HACE1: variants seen among roughly 807,000 people sequenced by gnomAD.
HACE1 encodes E3 ubiquitin-protein ligase HACE1.
A neutral mutation model predicts 118.4 loss-of-function variants in HACE1; 73 were observed. That is an observed-to-expected ratio of 0.62 (90% CI 0.51 to 0.75). The LOEUF is 0.75. HACE1 is among the 30% of genes least tolerant of loss of function. The pLI is 0.00. For missense variants in HACE1, 749 were observed against 1,102.2 expected (o/e 0.68, Z 4.54); for synonymous variants, 368 against 374.8 (o/e 0.98, Z 0.21).
intron 6 of HACE1, among the ~76,000 whole-genome samples, chr6:104,821,362 G>A (rs1378238060): frequency 6.6e-6 from 1 of 151,882 alleles, no homozygotes; most frequent in African/African-American, 2.4e-5. Flanking sequence ...AGAAATTATA[G>A]AAAATAAGTC....
intron 6 of HACE1, among the ~76,000 whole-genome samples, chr6:104,827,351 G>C (rs1202540888): frequency 6.6e-6 from 1 of 152,098 alleles, no homozygotes. Context: ...CTGATGACAT[G>C]AGTTATGGCA....
At chr6:104,737,552 A>G (rs910583886) in intron 22 of HACE1, among the ~76,000 whole-genome samples, 8 of 152,168 alleles carry the variant, frequency 5.3e-5, no homozygotes, top group African/African-American at 1.7e-4. Flanking sequence ...TTTCTGAGTC[A>G]AAGAAAGGGG....
chr6:104,739,675 G>C (rs1776397153), intron 22 of HACE1, among the ~76,000 whole-genome samples: 1 of 151,630 alleles, frequency 6.6e-6, no homozygotes, highest in African/African-American at 2.4e-5. Context: ...AGCAAGTCCT[G>C]AGTGACCTAC....
At chr6:104,752,256 G>C (rs1274455606) in intron 19 of HACE1, among the ~76,000 whole-genome samples, 1 of 152,106 alleles carries the variant, frequency 6.6e-6, no homozygotes, top group East Asian at 1.9e-4. Flanking sequence ...ACTTATTATA[G>C]AGAGGGAGAC....
intron 1 of HACE1, among the ~76,000 whole-genome samples, chr6:104,857,056 T>C (rs1776789596): frequency 6.6e-6 from 1 of 151,716 alleles, no homozygotes; most frequent in South Asian, 2.1e-4. Context: ...AAAAAAAATC[T>C]GATTATTTTC....
chr6:104,826,029 C>T (rs905471950), intron 6 of HACE1, among the ~76,000 whole-genome samples: 40 of 152,136 alleles, frequency 2.6e-4, no homozygotes, highest in Admixed American at 2.5e-3. Context: ...TGCCTCCTGT[C>T]GGATCAGCAG....
chr6:104,730,261 A>T (rs772938238), intron 23 of HACE1, 42 bp downstream of exon 23: 1 of 971,372 alleles, frequency 1.0e-6, no homozygotes, highest in Non-Finnish European at 1.7e-6. Flanking sequence ...AAAATTAATC[A>T]AAACAATTTG....
chr6:104,775,068 G>A (rs192495580), intron 17 of HACE1, among the ~76,000 whole-genome samples: 93 of 152,276 alleles, frequency 6.1e-4, no homozygotes, highest in African/African-American at 2.1e-3. Flanking sequence ...TTGGCCAGAC[G>A]TAGTAGCTTA....
chr6:104,784,022 C>T (rs1326991160), intron 14 of HACE1, 64 bp downstream of exon 14: 6 of 823,380 alleles, frequency 7.3e-6, no homozygotes, highest in Non-Finnish European at 1.3e-5. Flanking sequence ...TTCCACTAAA[C>T]AGTATTAGAA....
intron 4 of HACE1, among the ~76,000 whole-genome samples, chr6:104,845,326 G>T (rs1453984695): frequency 2.0e-5 from 3 of 151,910 alleles, no homozygotes; most frequent in Non-Finnish European, 4.4e-5. Context: ...TAAGTCAATA[G>T]CTAAAATTCT....
intron 1 of HACE1, among the ~76,000 whole-genome samples, chr6:104,856,998 T>C (rs1262812264): frequency 6.6e-6 from 1 of 152,022 alleles, no homozygotes; most frequent in Non-Finnish European, 1.5e-5. Flanking sequence ...ACAAGTTTAA[T>C]AGTTTGTTGT....
chr6:104,813,146 A>T lies in HACE1; in HGVS notation c.535-1753T>A, dbSNP rs946523494. Among the ~76,000 whole-genome samples, 2 of 138,556 alleles carry T rather than the reference A, an allele frequency of 1.4e-5. 1 individual carries two copies. Among genetic ancestry groups the T allele is most frequent in the Non-Finnish European group, 3.1e-5 (2 of 64,494 alleles). 90.9% of individuals were successfully genotyped at this position (138,556 alleles called of 152,430 possible). A position where few individuals can be genotyped will look rare whatever the true frequency, so the allele number is the denominator to read the frequency against. On this transcript the variant is annotated intron_variant, in intron 6 of 23. Coordinates refer to ENST00000262903, the MANE Select transcript of HACE1 (RefSeq NM_020771.4). The stretch of plus-strand genomic sequence containing the variant: ...TTAAAAGCTTCCTCTCAAGACTTGC[A>T]TCAGAAAAGAATCTTACAGATATTG...
At chr6:104,797,535 A>G (rs1166707778) in intron 7 of HACE1, among the ~76,000 whole-genome samples, 1 of 152,156 alleles carries the variant, frequency 6.6e-6, no homozygotes, top group Non-Finnish European at 1.5e-5. Flanking sequence ...AGTAAAACCA[A>G]TGTAAGAGAA....
At chr6:104,763,606 G>A (rs1205854001) in intron 19 of HACE1, among the ~76,000 whole-genome samples, 4 of 151,444 alleles carry the variant, frequency 2.6e-5, no homozygotes, top group Non-Finnish European at 2.9e-5. Flanking sequence ...AAAAAAAAAA[G>A]GGGCATACCA....
intron 6 of HACE1, among the ~76,000 whole-genome samples, chr6:104,822,026 A>C (rs987940626): frequency 6.6e-6 from 1 of 151,954 alleles, no homozygotes; most frequent in Non-Finnish European, 1.5e-5. Flanking sequence ...TGGGCAACAT[A>C]GTGAGACCAC....
intron 22 of HACE1, chr6:104,732,365 T>A (rs1055717978): frequency 2.6e-5 from 4 of 152,140 alleles, no homozygotes; most frequent in African/African-American, 4.8e-5. Flanking sequence ...TATTTAGCCT[T>A]AAAAAGGAAG....
intron 7 of HACE1, 64 bp downstream of exon 7, chr6:104,811,247 C>CATATAT (rs3995559): frequency 0.032 from 6,684 of 207,208 alleles, 112 homozygotes; most frequent in South Asian, 0.041. Context: ...TTTATTTATA[C>CATATAT]ATATATATAT....
chr6:104,845,197 A>G (rs555329841), intron 4 of HACE1, among the ~76,000 whole-genome samples: 1 of 152,200 alleles, frequency 6.6e-6, no homozygotes, highest in East Asian at 1.9e-4. Context: ...TTATTCAACT[A>G]GATCATAAAT....
intron 20 of HACE1, among the ~76,000 whole-genome samples, chr6:104,747,435 T>G (rs925112528): frequency 6.6e-6 from 1 of 152,140 alleles, no homozygotes; most frequent in Non-Finnish European, 1.5e-5. Context: ...GAATTTAACC[T>G]GAATCCTTTA....
Sources: gnomAD v4.1 joint callset for allele counts (sites outside exome capture counted in the v4.1 genomes callset) on GRCh38, gnomAD v4.1.1 for gene constraint, MANE v1.5 for transcripts, NCBI Gene and HGNC (gene_info 2026-07-23, HGNC 2026-07-21) for gene names.